ACOT12: variants seen among roughly 807,000 people sequenced by gnomAD.
ACOT12 encodes acyl-CoA thioesterase 12, also known as acetyl-coenzyme A thioesterase.
Under a neutral mutation model 67.7 loss-of-function variants are expected in ACOT12, and 51 were observed. That is an observed-to-expected ratio of 0.75 (90% CI 0.60 to 0.95). The LOEUF is 0.95. ACOT12 is among the 40% of genes least tolerant of loss of function. The probability of loss-of-function intolerance (pLI) is 0.00; values close to 1 mark genes in which losing one functional copy is unlikely to be tolerated. For missense variants in ACOT12, 734 were observed against 708.1 expected, an observed-to-expected ratio of 1.04 and a Z score of -0.41; for synonymous variants, 251 against 244.6, an observed-to-expected ratio of 1.03 and a Z score of -0.24.
chr5:81,394,039 G>T lies in ACOT12; in HGVS notation c.76C>A (p.Leu26Met), dbSNP rs780669199. 1 of 1,471,120 alleles carries T rather than the reference G, an allele frequency of 6.8e-7. No homozygotes were observed. The highest frequency in any genetic ancestry group is 9.0e-7 in the Non-Finnish European group (1 of 1,117,090). The allele number at this position is 1,471,120 out of a possible 1,614,324, so 91.1% of individuals were successfully genotyped here. ...QPAHATARGE[L>M]SAGQLLKWID... ...CACTTGAGCAGCTGCCCCGCGCTCA[G>T]CTCGCCGCGCGCAGTGGCGTGCGCC... Residue 26 changes from leucine (L) to methionine (M), a missense_variant, in exon 1 of 15, where the codon CTG becomes ATG. Transcript: ENST00000307624.
the ACOT12 span, among the ~76,000 whole-genome samples, chr5:81,312,076 T>TA: frequency 6.6e-6 from 1 of 152,238 alleles, no homozygotes; most frequent in African/African-American, 2.4e-5. Context: ...CTTTAGTACA[T>TA]TGTAGGCAGT....
At chr5:81,381,172 T>C (rs1760573133) in intron 2 of ACOT12, among the ~76,000 whole-genome samples, 1 of 152,078 alleles carries the variant, frequency 6.6e-6, no homozygotes, top group African/African-American at 2.4e-5. Flanking sequence ...GTTCAAGTGA[T>C]TCTCCTGCCT....
rs531212249 is a variant in ACOT12, at chr5:81,376,942, C to T, written c.198-5132G>A. 4.6e-5 allele frequency among the ~76,000 whole-genome samples: 7 copies of T among 152,254 alleles called. No homozygotes were observed. In the East Asian group the frequency reaches 1.4e-3, roughly 29 times the overall value. The stretch of plus-strand genomic sequence containing the variant: ...GGAGCTGGTACCATTCCTTCTGAAA[C>T]AATTTCAAACAACAGAAAAAGAGGG... On this transcript the variant is annotated intron_variant, in intron 2 of 14. Coordinates refer to ENST00000307624, the MANE Select transcript of ACOT12 (RefSeq NM_130767.3).
intron 2 of ACOT12, among the ~76,000 whole-genome samples, chr5:81,378,801 TACAATG>T (rs1221057495): frequency 6.6e-6 from 1 of 152,172 alleles, no homozygotes; most frequent in Non-Finnish European, 1.5e-5. Flanking sequence ...TCACGCCAGT[TACAATG>T]ACAATCATTA....
At chr5:81,333,964 G>A (rs944983432) in intron 12 of ACOT12, among the ~76,000 whole-genome samples, 2 of 151,864 alleles carry the variant, frequency 1.3e-5, no homozygotes, top group Non-Finnish European at 2.9e-5. Flanking sequence ...TGGATGTTGA[G>A]AGGAACAGAG....
intron 5 of ACOT12, 190 bp downstream of exon 5, chr5:81,359,713 G>T: frequency 1.9e-6 from 1 of 534,626 alleles, no homozygotes; most frequent in Non-Finnish European, 3.1e-6. Flanking sequence ...ATTTAAAGAG[G>T]CCTTAGGTGT....
In ACOT12 at chr5:81,344,992, C is replaced by T. The variant is rs200358101; in HGVS notation, c.823G>A (p.Glu275Lys). The T allele has an allele frequency of 1.0e-4, 168 of 1,614,082 alleles. 1 individual carries two copies. The highest frequency in any genetic ancestry group is 9.9e-4 in the South Asian group (90 of 91,086). Residue 275 changes from glutamate (E) to lysine (K), a missense_variant, in exon 8 of 15, where the codon GAG becomes AAG. Coordinates refer to ENST00000307624, the MANE Select transcript of ACOT12 (RefSeq NM_130767.3). ...VEAFDCQEWA[E>K]GRGRHINSAF... ...CTGTTGATGTGACGCCCTCGGCCCTCGGCCCATTCCTGACAGTCAAAGGCC... is the reference window on the plus strand; with the variant it reads ...CTGTTGATGTGACGCCCTCGGCCCTTGGCCCATTCCTGACAGTCAAAGGCC...
the ACOT12 span, among the ~76,000 whole-genome samples, chr5:81,324,127 G>A: frequency 0.015 from 2,311 of 151,980 alleles, 49 homozygotes; most frequent in African/African-American, 0.053. Context: ...TTTTAATAGA[G>A]ACGGGGTTTC....
intron 3 of ACOT12, among the ~76,000 whole-genome samples, chr5:81,366,931 A>G (rs1276430174): frequency 6.6e-6 from 1 of 152,180 alleles, no homozygotes; most frequent in Non-Finnish European, 1.5e-5. Flanking sequence ...CTAAAACTCT[A>G]TAAAGTCCAA....
intron 4 of ACOT12, among the ~76,000 whole-genome samples, chr5:81,362,133 G>C (rs1759928114): frequency 6.6e-6 from 1 of 151,694 alleles, no homozygotes; most frequent in African/African-American, 2.4e-5. Flanking sequence ...AGTCTCAAGA[G>C]AGATTGGACT....
intron 5 of ACOT12, among the ~76,000 whole-genome samples, chr5:81,358,007 C>CAAAAAAAA (rs777333534): frequency 5.6e-5 from 4 of 71,014 alleles, no homozygotes; most frequent in East Asian, 6.8e-4. Flanking sequence ...CCCCATCTCA[C>CAAAAAAAA]AAAAAAAAAA....
chr5:81,337,149 A>G (rs1303618963), intron 11 of ACOT12, among the ~76,000 whole-genome samples: 1 of 152,212 alleles, frequency 6.6e-6, no homozygotes, highest in Non-Finnish European at 1.5e-5. Context: ...GTGTATATCC[A>G]GAGAGATTAT....
At chr5:81,324,865 G>A in the ACOT12 span, among the ~76,000 whole-genome samples, 2 of 152,190 alleles carry the variant, frequency 1.3e-5, no homozygotes, top group African/African-American at 4.8e-5. Flanking sequence ...GATAATAGAA[G>A]TATTGTGGAG....
chr5:81,343,237 G>GA lies in ACOT12; in HGVS notation c.1045-483dup, dbSNP rs200501785. On this transcript the variant is annotated intron_variant, in intron 10 of 14. Coordinates refer to ENST00000307624, the MANE Select transcript of ACOT12 (RefSeq NM_130767.3). ...CAAAAACAAAAACAAAAGCAAAAAC[G>GA]AAAAAAAAACAAACAAAAGTAAAAA... Among the ~76,000 whole-genome samples the GA allele has an allele frequency of 1.1e-3, 166 of 144,610 alleles. No homozygotes were observed. The East Asian group carries it at 0.013, about 11-fold the overall frequency. 94.9% of individuals were successfully genotyped at this position (144,610 alleles called of 152,430 possible). A position where few individuals can be genotyped will look rare whatever the true frequency, so the allele number is the denominator to read the frequency against.
chr5:81,342,647 A>G, intron 11 of ACOT12, 25 bp downstream of exon 11: 1 of 1,612,234 alleles, frequency 6.2e-7, no homozygotes, highest in Non-Finnish European at 8.5e-7. Context: ...GCGATGGATT[A>G]TGCAAATACC....
the ACOT12 span, among the ~76,000 whole-genome samples, chr5:81,311,669 C>T: frequency 6.6e-6 from 1 of 152,124 alleles, no homozygotes; most frequent in African/African-American, 2.4e-5. Context: ...GTATGCTTTG[C>T]TTTGTATGTA....
intron 5 of ACOT12, among the ~76,000 whole-genome samples, chr5:81,358,770 A>G (rs1027573680): frequency 3.3e-5 from 5 of 151,890 alleles, no homozygotes; most frequent in African/African-American, 1.2e-4. Flanking sequence ...AATTGCTTGA[A>G]CCTGGGAGGC....
At chr5:81,328,005 G>A (rs557156342), downstream of ACOT12, among the ~76,000 whole-genome samples, 1 of 152,254 alleles carries the variant, frequency 6.6e-6, no homozygotes, top group South Asian at 2.1e-4. Flanking sequence ...AGGGGAAGAT[G>A]GTCTTTAATT....
intron 5 of ACOT12, among the ~76,000 whole-genome samples, chr5:81,354,285 C>G (rs1223293949): frequency 6.6e-6 from 1 of 152,208 alleles, no homozygotes; most frequent in Non-Finnish European, 1.5e-5. Flanking sequence ...CACACTGAAA[C>G]TCAAGTCAAT....
Sources: allele counts gnomAD v4.1 joint callset (sites outside exome capture counted in the v4.1 genomes callset), GRCh38; gene constraint gnomAD v4.1.1; transcripts MANE v1.5; gene names NCBI Gene and HGNC (gene_info 2026-07-23, HGNC 2026-07-21).